SLC1A2: variants seen among roughly 807,000 people sequenced by gnomAD.
SLC1A2 encodes excitatory amino acid transporter 2.
Under a neutral mutation model 48.8 loss-of-function variants are expected in SLC1A2, and 15 were observed. The observed-to-expected ratio is 0.31, with a 90% CI of 0.21 to 0.47. The LOEUF (loss-of-function observed/expected upper bound fraction) is 0.47. Ranked by LOEUF, SLC1A2 falls within the 20% of genes least tolerant of loss-of-function variation. SLC1A2 has a pLI of 0.99. For missense variants in SLC1A2, 502 were observed against 730.5 expected, an observed-to-expected ratio of 0.69 and a Z score of 3.61; for synonymous variants, 279 against 272.6, an observed-to-expected ratio of 1.02 and a Z score of -0.23.
intron 9 of SLC1A2, among the ~76,000 whole-genome samples, chr11:35,273,770 G>A (rs1850355002): frequency 1.3e-5 from 2 of 152,220 alleles, no homozygotes; most frequent in Non-Finnish European, 2.9e-5. Flanking sequence ...GGGAGAATGG[G>A]GAGGCTGGTA....
chr11:35,312,050 A>C (rs543089908), intron 4 of SLC1A2, 148 bp downstream of exon 4: 2 of 786,968 alleles, frequency 2.5e-6, no homozygotes, highest in African/African-American at 1.7e-5. Context: ...CCTGCCCTAA[A>C]CCACCTCATA....
At chr11:35,268,937 C>T (rs546756422) in intron 9 of SLC1A2, among the ~76,000 whole-genome samples, 19 of 152,340 alleles carry the variant, frequency 1.2e-4, no homozygotes, top group African/African-American at 4.3e-4. Flanking sequence ...GAATCTAGCT[C>T]AGCCACCTAC....
chr11:35,389,786 AT>A (rs1854704828), intron 1 of SLC1A2, among the ~76,000 whole-genome samples: 1 of 151,408 alleles, frequency 6.6e-6, no homozygotes, highest in Non-Finnish European at 1.5e-5. Context: ...TTGTTCTTAA[AT>A]TTTCTTGTAG....
intron 7 of SLC1A2, among the ~76,000 whole-genome samples, chr11:35,290,400 G>A (rs1330545680): frequency 6.6e-6 from 1 of 152,080 alleles, no homozygotes; most frequent in Non-Finnish European, 1.5e-5. Flanking sequence ...TATTGCAATA[G>A]ATACAACTTT....
chr11:35,358,374 T>C (rs927642169), intron 1 of SLC1A2, among the ~76,000 whole-genome samples: 2 of 152,212 alleles, frequency 1.3e-5, no homozygotes, highest in Non-Finnish European at 2.9e-5. Context: ...ATATTAATCA[T>C]GTTTTTAAAA....
At chr11:35,293,155 C>T (rs993010389) in intron 6 of SLC1A2, among the ~76,000 whole-genome samples, 1 of 152,190 alleles carries the variant, frequency 6.6e-6, no homozygotes, top group Non-Finnish European at 1.5e-5. Flanking sequence ...GAGCTGCACA[C>T]CCATTCCCTC....
At chr11:35,300,038 T>A (rs3847607) in intron 6 of SLC1A2, among the ~76,000 whole-genome samples, 1 of 151,908 alleles carries the variant, frequency 6.6e-6, no homozygotes, top group Admixed American at 6.6e-5. Context: ...ACACCAAAAG[T>A]TTCCAATGAT....
intron 1 of SLC1A2, among the ~76,000 whole-genome samples, chr11:35,351,358 A>G (rs1373184834): frequency 6.6e-6 from 1 of 152,166 alleles, no homozygotes; most frequent in Non-Finnish European, 1.5e-5. Context: ...GCTTTCCCAG[A>G]CAGCATGTCA....
rs1439964773 is a variant in SLC1A2 at position 35,260,179 on chromosome 11, A to G, written c.*715T>C. 3 of 152,250 alleles carry G rather than the reference A, an allele frequency of 2.0e-5. No individual in the cohort carries two copies. The highest frequency in any genetic ancestry group is 2.4e-5 in the African/African-American group (1 of 41,464). The allele number at this position is 152,250 out of a possible 1,614,324, so 9.4% of individuals were successfully genotyped here. A position where few individuals can be genotyped will look rare whatever the true frequency, so the allele number is the denominator to read the frequency against. On this transcript the variant is annotated 3_prime_UTR_variant, in exon 11 of 11. Transcript: ENST00000278379. ...AAAATACTTCCTAATCAATTATCAA[A>G]TTTAGAAAGAATAATGAAACATACT...
In SLC1A2 at chr11:35,349,099, G is replaced by A. The variant is rs144581401; in HGVS notation, c.18-31583C>T. ...GGAGTGGCAAGGTTCCAAAACAGGT[G>A]GACATAGAGGGAGGTGAATCTGGCA... On this transcript the variant is annotated intron_variant, in intron 1 of 10. Coordinates refer to ENST00000278379, the MANE Select transcript of SLC1A2 (RefSeq NM_004171.4). Among the ~76,000 whole-genome samples the A allele has an allele frequency of 1.9e-3, 291 of 152,166 alleles. 1 individual carries two copies. Among genetic ancestry groups the A allele is most frequent in the African/African-American group, 6.8e-3 (282 of 41,508 alleles).
intron 1 of SLC1A2, among the ~76,000 whole-genome samples, chr11:35,359,390 C>A (rs1853598722): frequency 6.6e-6 from 1 of 152,172 alleles, no homozygotes; most frequent in African/African-American, 2.4e-5. Flanking sequence ...TCCAAGTCAC[C>A]ACTTACCTGC....
At chr11:35,306,292 GTGA>G in intron 4 of SLC1A2, 50 bp from the exon 5 acceptor site, 1 of 1,407,190 alleles carries the variant, frequency 7.1e-7, no homozygotes. Flanking sequence ...GGCCTATAAG[GTGA>G]AAAAAAAAAA....
chr11:35,367,679 CA>C (rs1327615145), intron 1 of SLC1A2, among the ~76,000 whole-genome samples: 12 of 152,208 alleles, frequency 7.9e-5, no homozygotes, highest in Non-Finnish European at 5.9e-5. Context: ...GTGCTACCAT[CA>C]GCTGAAAACT....
intron 1 of SLC1A2, among the ~76,000 whole-genome samples, chr11:35,401,756 CAT>C (rs1464326198): frequency 1.3e-5 from 2 of 152,156 alleles, no homozygotes; most frequent in South Asian, 2.1e-4. Context: ...CATTCTGTCA[CAT>C]GTTTCTCAAA....
intron 5 of SLC1A2, 82 bp from the exon 6 acceptor site, chr11:35,301,727 T>C (rs745784317): frequency 7.3e-5 from 97 of 1,335,210 alleles, no homozygotes; most frequent in Non-Finnish European, 1.0e-4. Context: ...ATTCCCAATG[T>C]ATGGAGCCAT....
At chr11:35,368,204 C>T (rs113240109) in intron 1 of SLC1A2, among the ~76,000 whole-genome samples, 92 of 152,334 alleles carry the variant, frequency 6.0e-4, no homozygotes, top group African/African-American at 2.2e-3. Context: ...TTCATCAGAA[C>T]ATTCATTTCA....
At position 35,260,802 on chromosome 11, in the gene SLC1A2, T is replaced by A; in HGVS notation, c.*92A>T. The A allele has an allele frequency of 3.2e-6, 3 of 942,116 alleles. No homozygotes were observed. The highest frequency in any genetic ancestry group is 5.2e-6 in the Non-Finnish European group (3 of 578,884). 58.4% of individuals were successfully genotyped at this position (942,116 alleles called of 1,614,324 possible). A position where few individuals can be genotyped will look rare whatever the true frequency, so the allele number is the denominator to read the frequency against. ...TAAGTAAACATAGAAATATACGCAT[T>A]TTTTTCCTTTTTAAAGAAAGCTTGT... On this transcript the variant is annotated 3_prime_UTR_variant, in exon 11 of 11. Coordinates refer to ENST00000278379, the MANE Select transcript of SLC1A2 (RefSeq NM_004171.4).
intron 1 of SLC1A2, chr11:35,322,606 G>A (rs543978292): frequency 6.5e-7 from 1 of 1,534,986 alleles, no homozygotes; most frequent in African/African-American, 1.4e-5. Flanking sequence ...CTGGCCCCAG[G>A]CTTCAGGATC....
intron 1 of SLC1A2, among the ~76,000 whole-genome samples, chr11:35,391,904 A>G (rs1854781268): frequency 6.6e-6 from 1 of 152,194 alleles, no homozygotes; most frequent in Non-Finnish European, 1.5e-5. Context: ...AAAGGAGCGT[A>G]GGAAAGATTG....
Sources: gnomAD v4.1 joint callset for allele counts (sites outside exome capture counted in the v4.1 genomes callset) on GRCh38, gnomAD v4.1.1 for gene constraint, MANE v1.5 for transcripts, NCBI Gene and HGNC (gene_info 2026-07-23, HGNC 2026-07-21) for gene names.